SSUH2: variants seen among roughly 807,000 people sequenced by gnomAD.
SSUH2 encodes protein SSUH2 homolog.
A neutral mutation model predicts 55.3 loss-of-function variants in SSUH2; 47 were observed. The ratio of observed to expected loss-of-function variants is 0.85; its 90% CI spans 0.67 to 1.08. The LOEUF is 1.08. SSUH2 is among the 50% of genes least tolerant of loss of function. The pLI is 0.00. For synonymous variants in SSUH2, 212 were observed against 191.5 expected, an observed-to-expected ratio of 1.11 and a Z score of -0.89; for missense variants, 535 against 490.7, an observed-to-expected ratio of 1.09 and a Z score of -0.85.
chr3:8,654,250 C>T (rs1007153412), intron 7 of SSUH2, among the ~76,000 whole-genome samples: 2 of 152,194 alleles, frequency 1.3e-5, no homozygotes, highest in Non-Finnish European at 2.9e-5. Flanking sequence ...CCCACCCTCA[C>T]GACCTCATCT....
At chr3:8,659,949 G>A in intron 6 of SSUH2, 1 of 375,626 alleles carries the variant, frequency 2.7e-6, no homozygotes, top group Admixed American at 3.2e-5. Flanking sequence ...TTCATTAGGT[G>A]AAACTAGGAA....
intron 3 of SSUH2, 131 bp downstream of exon 3, chr3:8,635,169 T>G (rs1378217704): frequency 1.5e-6 from 1 of 673,938 alleles, no homozygotes; most frequent in African/African-American, 1.8e-5. Context: ...CCCTGGAGGA[T>G]CTGGTGCAGT....
intron 11 of SSUH2, among the ~76,000 whole-genome samples, chr3:8,622,466 A>C (rs1490894546): frequency 1.3e-5 from 2 of 152,030 alleles, no homozygotes; most frequent in Non-Finnish European, 2.9e-5. Flanking sequence ...AATATTGAAA[A>C]ACTACAAGTT....
intron 7 of SSUH2, among the ~76,000 whole-genome samples, chr3:8,628,779 A>AAGT (rs1698124014): frequency 6.6e-6 from 1 of 152,232 alleles, no homozygotes; most frequent in Non-Finnish European, 1.5e-5. Context: ...CAGAAGAACC[A>AAGT]GCCTAGCCCA....
intron 1 of SSUH2, among the ~76,000 whole-genome samples, chr3:8,639,113 G>T (rs114330850): frequency 6.6e-6 from 1 of 152,150 alleles, no homozygotes; most frequent in African/African-American, 2.4e-5. Flanking sequence ...AGGAGGTGTC[G>T]TTTCCTGTAC....
At chr3:8,673,055 CAATATTAATATT>C (rs200610978) in intron 3 of SSUH2, among the ~76,000 whole-genome samples, 1 of 151,714 alleles carries the variant, frequency 6.6e-6, no homozygotes, top group African/African-American at 2.4e-5. Context: ...TATGTATTAC[CAATATTAATATT>C]AATATTAAGA....
chr3:8,654,064 C>T (rs1702700993), intron 7 of SSUH2, among the ~76,000 whole-genome samples: 1 of 152,168 alleles, frequency 6.6e-6, no homozygotes, highest in Admixed American at 6.5e-5. Context: ...ATTTTCTCAC[C>T]ATTTGGATGG....
chr3:8,672,648 G>A (rs752370035), intron 3 of SSUH2, among the ~76,000 whole-genome samples: 1 of 151,962 alleles, frequency 6.6e-6, no homozygotes, highest in Non-Finnish European at 1.5e-5. Context: ...CTGAATACTA[G>A]GAACAATATC....
intron 7 of SSUH2, among the ~76,000 whole-genome samples, chr3:8,652,566 TTAAG>T (rs2125326487): frequency 6.6e-6 from 1 of 152,336 alleles, no homozygotes; most frequent in East Asian, 1.9e-4. Context: ...TTAGATCTGA[TTAAG>T]TGTCTTGCTT....
chr3:8,653,298 T>C (rs773566234), intron 7 of SSUH2, among the ~76,000 whole-genome samples: 2 of 152,192 alleles, frequency 1.3e-5, no homozygotes, highest in African/African-American at 4.8e-5. Context: ...TTTATATTTA[T>C]AAAAGAAATA....
At chr3:8,658,301 C>A (rs1033784809) in intron 7 of SSUH2, among the ~76,000 whole-genome samples, 1 of 152,208 alleles carries the variant, frequency 6.6e-6, no homozygotes, top group Non-Finnish European at 1.5e-5. Flanking sequence ...TAAAATTAAA[C>A]CTTTATTGCT....
intron 5 of SSUH2, among the ~76,000 whole-genome samples, chr3:8,631,532 G>T (rs1698773405): frequency 6.6e-6 from 1 of 152,188 alleles, no homozygotes; most frequent in Non-Finnish European, 1.5e-5. Context: ...ATCCTGAAAA[G>T]CTTCTTAAAA....
chr3:8,673,728 T>C (rs1704887344), intron 3 of SSUH2, among the ~76,000 whole-genome samples: 1 of 150,802 alleles, frequency 6.6e-6, no homozygotes, highest in Non-Finnish European at 1.5e-5. Context: ...CCCCCAAGAG[T>C]ATGGAAGGAC....
At chr3:8,644,647 T>TG in intron 1 of SSUH2, 84 bp downstream of exon 1, 1 of 1,204,332 alleles carries the variant, frequency 8.3e-7, no homozygotes, top group Non-Finnish European at 1.2e-6. Context: ...TTCCAACATA[T>TG]TAGAGGTCAG....
intron 6 of SSUH2, chr3:8,659,650 G>C (rs1575323741): frequency 5.0e-6 from 2 of 402,026 alleles, no homozygotes; most frequent in East Asian, 1.6e-4. Context: ...GCTCACATCA[G>C]TCCCCTGACC....
intron 4 of SSUH2, among the ~76,000 whole-genome samples, chr3:8,632,957 T>C (rs1699104082): frequency 6.6e-6 from 1 of 152,196 alleles, no homozygotes; most frequent in Admixed American, 6.5e-5. Flanking sequence ...CTCACCTCTG[T>C]CACTTCTAGC....
intron 2 of SSUH2, chr3:8,677,478 C>A (rs1367063915): frequency 2.0e-5 from 3 of 150,728 alleles, no homozygotes; most frequent in Non-Finnish European, 4.4e-5. Flanking sequence ...GGACCAGGAA[C>A]CTTTGGAATG....
intron 2 of SSUH2, among the ~76,000 whole-genome samples, chr3:8,679,117 A>G (rs1186486490): frequency 1.1e-5 from 1 of 89,000 alleles, no homozygotes; most frequent in African/African-American, 4.0e-5. Flanking sequence ...GGCTCTTAGG[A>G]CCCAAATTGC....
chr3:8,681,653 CGAT>C (rs1705961743), intron 1 of SSUH2, among the ~76,000 whole-genome samples: 1 of 146,458 alleles, frequency 6.8e-6, no homozygotes, highest in Non-Finnish European at 1.5e-5. Flanking sequence ...ACCCCCCGTG[CGAT>C]GGGGACTGAA....
Sources: allele counts gnomAD v4.1 joint callset (sites outside exome capture counted in the v4.1 genomes callset), GRCh38; gene constraint gnomAD v4.1.1; transcripts MANE v1.5; gene names NCBI Gene and HGNC (gene_info 2026-07-23, HGNC 2026-07-21).